KIAA1217: variants seen among roughly 807,000 people sequenced by gnomAD.
KIAA1217 encodes the protein sickle tail protein homolog.
KIAA1217 carries 88 observed loss-of-function variants against 163.9 expected under a neutral mutation model. The ratio of observed to expected loss-of-function variants is 0.54; its 90% confidence interval spans 0.45 to 0.64. KIAA1217 has a LOEUF of 0.64. Ranked by LOEUF, KIAA1217 falls within the 30% of genes least tolerant of loss-of-function variation. The probability of loss-of-function intolerance (pLI) is 0.00; values close to 1 mark genes in which losing one functional copy is unlikely to be tolerated. For synonymous variants in KIAA1217, 903 were observed against 923.1 expected (o/e 0.98, Z 0.39); for missense variants, 2,372 against 2,475.0 (o/e 0.96, Z 0.88).
At chr10:24,202,542 A>G (rs530137219) in intron 2 of KIAA1217, among the ~76,000 whole-genome samples, 39 of 152,236 alleles carry the variant, frequency 2.6e-4, no homozygotes, top group African/African-American at 8.9e-4. Flanking sequence ...CACGGCCCCC[A>G]AGCCTTCATG....
chr10:24,499,812 C>T (rs1331699236), intron 8 of KIAA1217, among the ~76,000 whole-genome samples: 3 of 152,168 alleles, frequency 2.0e-5, no homozygotes, highest in Non-Finnish European at 4.4e-5. Context: ...CTTTAAAATG[C>T]CTTCTGGCCT....
intron 3 of KIAA1217, among the ~76,000 whole-genome samples, chr10:24,386,450 G>A (rs1256335493): frequency 6.6e-6 from 1 of 152,164 alleles, no homozygotes; most frequent in Non-Finnish European, 1.5e-5. Context: ...CAAAGGAATT[G>A]ATGAATTGTC....
At chr10:23,945,763 T>C (rs1404688640) in intron 1 of KIAA1217, among the ~76,000 whole-genome samples, 1 of 152,164 alleles carries the variant, frequency 6.6e-6, no homozygotes, top group African/African-American at 2.4e-5. Flanking sequence ...TCATTTCTAA[T>C]AGTAGTAATA....
chr10:24,069,246 C>T (rs79568083), intron 2 of KIAA1217, among the ~76,000 whole-genome samples: 3,998 of 152,194 alleles, frequency 0.026, 166 homozygotes, highest in African/African-American at 0.092. Context: ...TAGGTAGCAC[C>T]GTAGAGGTTG....
At chr10:23,696,929 C>T (rs532136426) in intron 1 of KIAA1217, among the ~76,000 whole-genome samples, 1 of 152,248 alleles carries the variant, frequency 6.6e-6, no homozygotes, top group South Asian at 2.1e-4. Flanking sequence ...CGAAAACTGT[C>T]ATGCTAGGGG....
At chr10:24,389,253 G>A (rs1287250545) in intron 3 of KIAA1217, among the ~76,000 whole-genome samples, 1 of 152,124 alleles carries the variant, frequency 6.6e-6, no homozygotes. Flanking sequence ...CCTTTGTAGG[G>A]ACATGGATGA....
At chr10:24,079,927 C>T (rs1255709226) in intron 2 of KIAA1217, among the ~76,000 whole-genome samples, 1 of 152,174 alleles carries the variant, frequency 6.6e-6, no homozygotes, top group Non-Finnish European at 1.5e-5. Flanking sequence ...ACATCCAAGA[C>T]TGGCCCAGTG....
intron 2 of KIAA1217, among the ~76,000 whole-genome samples, chr10:24,127,095 A>G (rs1234603484): frequency 6.6e-6 from 1 of 152,222 alleles, no homozygotes; most frequent in Admixed American, 6.5e-5. Flanking sequence ...GCAGAACAAG[A>G]AGTTCTACTT....
chr10:24,097,476 C>T (rs2062209511), intron 2 of KIAA1217, among the ~76,000 whole-genome samples: 1 of 152,024 alleles, frequency 6.6e-6, no homozygotes, highest in South Asian at 2.1e-4. Flanking sequence ...TCACTTGAGC[C>T]TAGGAGGTGG....
At chr10:23,868,222 A>G (rs1359033971) in intron 1 of KIAA1217, among the ~76,000 whole-genome samples, 4 of 152,064 alleles carry the variant, frequency 2.6e-5, no homozygotes, top group Non-Finnish European at 5.9e-5. Context: ...CTCAACCCAC[A>G]AAATAACTCC....
At position 23,874,221 on chromosome 10, in the gene KIAA1217, C is replaced by T. The variant is rs140501816; in HGVS notation, c.-320-133004C>T. On this transcript the variant is annotated intron_variant, in intron 1 of 18. Transcript: ENST00000376462. The stretch of plus-strand genomic sequence containing the variant: ...CGGCTGTGAGTCATCACAGATTTGT[C>T]TAATAATCCCTCCTTGAATGGTGGT... Among the ~76,000 whole-genome samples, 123 of 152,154 alleles carry T rather than the reference C, an allele frequency of 8.1e-4. 2 individuals are homozygous for T. Among genetic ancestry groups the T allele is most frequent in the African/African-American group, 2.8e-3 (116 of 41,546 alleles).
intron 2 of KIAA1217, among the ~76,000 whole-genome samples, chr10:24,064,933 G>T (rs564262161): frequency 3.9e-5 from 6 of 152,178 alleles, no homozygotes; most frequent in Admixed American, 6.5e-5. Context: ...TTGCATAGAG[G>T]TGTTTATAGT....
intron 3 of KIAA1217, among the ~76,000 whole-genome samples, chr10:24,382,729 G>T (rs1039386642): frequency 6.6e-6 from 1 of 151,918 alleles, no homozygotes; most frequent in Non-Finnish European, 1.5e-5. Context: ...CACAGGGGAG[G>T]GACACACCCA....
At chr10:23,762,934 T>C (rs577038831) in intron 1 of KIAA1217, among the ~76,000 whole-genome samples, 1 of 152,274 alleles carries the variant, frequency 6.6e-6, no homozygotes, top group South Asian at 2.1e-4. Context: ...GGATATAAAA[T>C]CAATGTGCAA....
intron 2 of KIAA1217, among the ~76,000 whole-genome samples, chr10:24,265,673 G>A (rs888811352): frequency 7.9e-5 from 12 of 151,640 alleles, no homozygotes; most frequent in African/African-American, 2.2e-4. Context: ...TCCTCCCCTC[G>A]CTGAAAAAAA....
intron 17 of KIAA1217, among the ~76,000 whole-genome samples, chr10:24,540,351 G>C (rs552120992): frequency 7.2e-5 from 11 of 151,930 alleles, no homozygotes; most frequent in Non-Finnish European, 1.0e-4. Flanking sequence ...CTCCTACCTC[G>C]GCCTCCTGAG....
chr10:23,929,515 C>T (rs1351381963), intron 1 of KIAA1217, among the ~76,000 whole-genome samples: 1 of 152,052 alleles, frequency 6.6e-6, no homozygotes, highest in Non-Finnish European at 1.5e-5. Context: ...TCTTTAAGTC[C>T]ACGTGTACCC....
At chr10:24,219,948 C>A in intron 2 of KIAA1217, 39 bp downstream of exon 2, 1 of 1,532,124 alleles carries the variant, frequency 6.5e-7, no homozygotes, top group South Asian at 1.3e-5. Flanking sequence ...GTAGCTCGCT[C>A]TCTAATGAAC....
chr10:23,964,988 G>A (rs1282263620), intron 1 of KIAA1217, among the ~76,000 whole-genome samples: 1 of 152,152 alleles, frequency 6.6e-6, no homozygotes, highest in African/African-American at 2.4e-5. Flanking sequence ...TCTATTAGAG[G>A]CAAAGGAACA....
Sources: allele counts gnomAD v4.1 joint callset (sites outside exome capture counted in the v4.1 genomes callset), GRCh38; gene constraint gnomAD v4.1.1; transcripts MANE v1.5; gene names NCBI Gene and HGNC (gene_info 2026-07-23, HGNC 2026-07-21).